ZNF280D: variants seen among roughly 807,000 people sequenced by gnomAD.
The protein encoded by ZNF280D is suppressor of hairy wing homolog 4.
Under a neutral mutation model 94.7 loss-of-function variants are expected in ZNF280D, and 39 were observed. The ratio of observed to expected loss-of-function variants is 0.41; its 90% CI spans 0.32 to 0.54. The LOEUF (loss-of-function observed/expected upper bound fraction) is 0.54. Ranked by LOEUF, ZNF280D falls within the 20% of genes least tolerant of loss-of-function variation. The pLI is 0.22. For missense variants in ZNF280D, 1,090 were observed against 1,149.3 expected, an observed-to-expected ratio of 0.95 and a Z score of 0.75; for synonymous variants, 398 against 377.6, an observed-to-expected ratio of 1.05 and a Z score of -0.63.
In ZNF280D at chr15:56,635,253, G is replaced by A. The variant is rs1047748756; in HGVS notation, c.2260-3C>T. On this transcript the variant is annotated splice_polypyrimidine_tract_variant and splice_region_variant and intron_variant, in intron 20 of 21. Transcript: ENST00000267807. ...GCCATGTTAGGTCTTGCAATTTCCTGAAATAATTAATAATACTTTTCTTTT... is the reference window on the plus strand; with the variant it reads ...GCCATGTTAGGTCTTGCAATTTCCTAAAATAATTAATAATACTTTTCTTTT... 1 of 1,498,402 alleles carries A rather than the reference G, an allele frequency of 6.7e-7. No individual in the cohort carries two copies. Among genetic ancestry groups the A allele is most frequent in the Non-Finnish European group, 8.9e-7 (1 of 1,118,126 alleles). 92.8% of individuals were successfully genotyped at this position (1,498,402 alleles called of 1,614,324 possible).
intron 16 of ZNF280D, among the ~76,000 whole-genome samples, chr15:56,663,011 AG>A (rs1319004456): frequency 6.6e-6 from 1 of 151,592 alleles, no homozygotes; most frequent in Non-Finnish European, 1.5e-5. Context: ...CCAGGTGCAG[AG>A]GGGGTGCTCA....
At chr15:56,716,600 A>G (rs1037419758) in intron 1 of ZNF280D, among the ~76,000 whole-genome samples, 19 of 152,096 alleles carry the variant, frequency 1.2e-4, no homozygotes, top group Non-Finnish European at 1.0e-4. Context: ...GACTGTGTTA[A>G]GAAATTCTGT....
At chr15:56,728,476 G>A (rs2141495762) in intron 1 of ZNF280D, among the ~76,000 whole-genome samples, 1 of 152,316 alleles carries the variant, frequency 6.6e-6, no homozygotes, top group Middle Eastern at 3.4e-3. Flanking sequence ...CAATTGTGGA[G>A]CAAAGAAGAT....
intron 10 of ZNF280D, among the ~76,000 whole-genome samples, chr15:56,681,004 C>A (rs1050238052): frequency 6.6e-6 from 1 of 152,166 alleles, no homozygotes. Context: ...TCAAAATACA[C>A]TTTCCCTTTT....
chr15:56,643,812 A>G (rs1325309516), intron 19 of ZNF280D, among the ~76,000 whole-genome samples: 2 of 151,900 alleles, frequency 1.3e-5, no homozygotes, highest in African/African-American at 4.8e-5. Flanking sequence ...AGTGATACAT[A>G]ATTTTATGAA....
intron 1 of ZNF280D, among the ~76,000 whole-genome samples, chr15:56,708,459 C>G (rs1410970022): frequency 6.6e-6 from 1 of 152,118 alleles, no homozygotes; most frequent in African/African-American, 2.4e-5. Context: ...CTTATCAATA[C>G]CAGGAACACG....
intron 16 of ZNF280D, among the ~76,000 whole-genome samples, chr15:56,665,721 AGG>A (rs2054246916): frequency 2.7e-5 from 4 of 150,780 alleles, no homozygotes; most frequent in Admixed American, 2.6e-4. Flanking sequence ...AAAAAAAAAA[AGG>A]AGGATGACGC....
chr15:56,709,517 T>C (rs2057628315), intron 1 of ZNF280D, among the ~76,000 whole-genome samples: 2 of 152,092 alleles, frequency 1.3e-5, no homozygotes, highest in Non-Finnish European at 2.9e-5. Flanking sequence ...GGGTATATAC[T>C]CAAAGGATTA....
intron 1 of ZNF280D, among the ~76,000 whole-genome samples, chr15:56,707,896 A>G (rs2057511653): frequency 6.6e-6 from 1 of 151,806 alleles, no homozygotes; most frequent in Admixed American, 6.6e-5. Context: ...TTTACAATCT[A>G]GTATGTCAAT....
chr15:56,695,899 T>C (rs777588381), intron 6 of ZNF280D, among the ~76,000 whole-genome samples: 3 of 152,114 alleles, frequency 2.0e-5, no homozygotes, highest in Non-Finnish European at 4.4e-5. Flanking sequence ...TATTTGCAAA[T>C]ACTATAGGGT....
intron 1 of ZNF280D, among the ~76,000 whole-genome samples, chr15:56,709,252 G>GA (rs1326423994): frequency 6.6e-6 from 1 of 152,168 alleles, no homozygotes; most frequent in South Asian, 2.1e-4. Flanking sequence ...ACAGACACAT[G>GA]AAAAAATGCT....
At chr15:56,642,507 C>A (rs1391463017) in intron 20 of ZNF280D, among the ~76,000 whole-genome samples, 1 of 151,748 alleles carries the variant, frequency 6.6e-6, no homozygotes, top group African/African-American at 2.4e-5. Context: ...CTGAGTTCTG[C>A]ATTCAGAGTA....
In ZNF280D at chr15:56,667,080, T is replaced by C. The variant is rs1210402201; in HGVS notation, c.1546-94A>G. The C allele has an allele frequency of 4.9e-6, 5 of 1,024,078 alleles. No homozygotes were observed. In the South Asian group the frequency reaches 6.9e-5, roughly 14 times the overall value. 63.4% of individuals were successfully genotyped at this position (1,024,078 alleles called of 1,614,324 possible). A position where few individuals can be genotyped will look rare whatever the true frequency, so the allele number is the denominator to read the frequency against. On this transcript the variant is annotated intron_variant, in intron 14 of 21. Transcript: ENST00000267807. ...CAAAAATAGTTAAAAATCAAGAATTTTGAAAAAAGCACATATAAACTACAA... is the reference window on the plus strand; with the variant it reads ...CAAAAATAGTTAAAAATCAAGAATTCTGAAAAAAGCACATATAAACTACAA...
chr15:56,664,463 A>C lies in ZNF280D; in HGVS notation c.1994+1932T>G, dbSNP rs541053729. 7.2e-5 allele frequency among the ~76,000 whole-genome samples: 11 copies of C among 152,298 alleles called. No individual in the cohort carries two copies. The East Asian group carries it at 2.1e-3, about 29-fold the overall frequency. Reference sequence around the variant, plus strand: ...ATGGTCATGGTGAACTGGGGGAGAAAGGACAGTTAATGGGGAAGTGAGACA... The same window carrying C: ...ATGGTCATGGTGAACTGGGGGAGAACGGACAGTTAATGGGGAAGTGAGACA... On this transcript the variant is annotated intron_variant, in intron 16 of 21. Coordinates refer to ENST00000267807, the MANE Select transcript of ZNF280D (RefSeq NM_017661.4).
At chr15:56,648,998 T>C (rs1206427952) in intron 19 of ZNF280D, among the ~76,000 whole-genome samples, 2 of 151,926 alleles carry the variant, frequency 1.3e-5, no homozygotes, top group East Asian at 3.9e-4. Context: ...AAAGCTATTA[T>C]AACAAAGAGC....
rs138319287 is a variant in ZNF280D, at chr15:56,721,624, T to C, written c.-86+11834A>G. Among the ~76,000 whole-genome samples the C allele has an allele frequency of 8.0e-3, 1,219 of 152,262 alleles. 9 individuals carry two copies. The highest frequency in any genetic ancestry group is 0.013 in the Non-Finnish European group (879 of 68,036). On this transcript the variant is annotated intron_variant, in intron 1 of 21. Coordinates refer to ENST00000267807, the MANE Select transcript of ZNF280D (RefSeq NM_017661.4). ...AGACAGTGTCTCTCCTTAAACCTCA[T>C]GAACTCATCTCTGTTAGCTTCAAGC... is the stretch of plus-strand genomic sequence containing the variant.
intron 20 of ZNF280D, among the ~76,000 whole-genome samples, chr15:56,637,812 T>C (rs755386749): frequency 1.3e-5 from 2 of 152,046 alleles, no homozygotes; most frequent in Non-Finnish European, 2.9e-5. Flanking sequence ...ACCATACACA[T>C]TGTATTCTTC....
At chr15:56,639,002 A>C in intron 20 of ZNF280D, among the ~76,000 whole-genome samples, 1 of 152,184 alleles carries the variant, frequency 6.6e-6, no homozygotes, top group African/African-American at 2.4e-5. Flanking sequence ...AAAAGGAATA[A>C]AGAAAGGGGC....
At chr15:56,702,117 A>G (rs1403253845) in intron 4 of ZNF280D, among the ~76,000 whole-genome samples, 1 of 151,692 alleles carries the variant, frequency 6.6e-6, no homozygotes, top group Non-Finnish European at 1.5e-5. Context: ...AAGTAATTCT[A>G]TAAAATAATG....
Sources: allele counts gnomAD v4.1 joint callset (sites outside exome capture counted in the v4.1 genomes callset), GRCh38; gene constraint gnomAD v4.1.1; transcripts MANE v1.5; gene names NCBI Gene and HGNC (gene_info 2026-07-23, HGNC 2026-07-21).